TRAPPC9: variants seen among roughly 807,000 people sequenced by gnomAD.
TRAPPC9 encodes the protein IKK2 binding protein.
TRAPPC9 carries 83 observed loss-of-function variants against 124.0 expected under a neutral mutation model. That is an observed-to-expected ratio of 0.67 (90% CI 0.56 to 0.80). The LOEUF (loss-of-function observed/expected upper bound fraction) is 0.80, where lower values mean the gene tolerates loss of function less well. Among genes scored for constraint, TRAPPC9 ranks in the 30% least tolerant of loss-of-function variants. The pLI is 0.00. For synonymous variants in TRAPPC9, 638 were observed against 617.5 expected, an observed-to-expected ratio of 1.03 and a Z score of -0.49; for missense variants, 1,302 against 1,508.3, an observed-to-expected ratio of 0.86 and a Z score of 2.27.
intron 17 of TRAPPC9, among the ~76,000 whole-genome samples, chr8:140,176,813 A>G (rs2062081151): frequency 6.6e-6 from 1 of 152,198 alleles, no homozygotes; most frequent in Non-Finnish European, 1.5e-5. Flanking sequence ...AGCCTCACCA[A>G]TGCTTGCAAT....
At chr8:139,856,278 T>G (rs1586997449) in intron 21 of TRAPPC9, among the ~76,000 whole-genome samples, 1 of 152,162 alleles carries the variant, frequency 6.6e-6, no homozygotes, top group Non-Finnish European at 1.5e-5. Flanking sequence ...AATTTCAGCA[T>G]ACCTCTTCCA....
At chr8:140,074,941 A>G (rs1843415261) in intron 17 of TRAPPC9, among the ~76,000 whole-genome samples, 1 of 152,126 alleles carries the variant, frequency 6.6e-6, no homozygotes, top group African/African-American at 2.4e-5. Context: ...ACCTCAGGAA[A>G]ATTGCTACCC....
chr8:139,759,363 C>A (rs1459095925), intron 21 of TRAPPC9, among the ~76,000 whole-genome samples: 1 of 152,162 alleles, frequency 6.6e-6, no homozygotes, highest in Non-Finnish European at 1.5e-5. Context: ...CCCCTGGAAT[C>A]CTTGCCTCTG....
intron 5 of TRAPPC9, among the ~76,000 whole-genome samples, chr8:140,413,262 G>A (rs1206590339): frequency 3.3e-5 from 5 of 152,114 alleles, no homozygotes; most frequent in Non-Finnish European, 5.9e-5. Context: ...GGTGGCACAT[G>A]CCTGTAATCC....
At chr8:140,074,126 C>T (rs1025813805) in intron 17 of TRAPPC9, among the ~76,000 whole-genome samples, 3 of 152,278 alleles carry the variant, frequency 2.0e-5, no homozygotes, top group African/African-American at 7.2e-5. Flanking sequence ...CCAAAGGCAT[C>T]GTGGGTCAGA....
chr8:140,364,695 G>C (rs182858002), intron 8 of TRAPPC9, among the ~76,000 whole-genome samples: 13 of 152,004 alleles, frequency 8.6e-5, no homozygotes, highest in African/African-American at 3.1e-4. Context: ...TGATTCTCCT[G>C]CCTCAACCTC....
chr8:140,450,795 G>C lies in TRAPPC9; in HGVS notation c.579C>G (p.Asp193Glu). Reference protein sequence around the residue: ...EKKDFVGLDTDSRHYKKRCQG... With the variant: ...EKKDFVGLDTESRHYKKRCQG... ...GGGTCTCTAGGTAAGCTTACCTGCTGTCTGTGTCCAGTCCTACAAAGTCCT... is the reference window on the plus strand; with the variant it reads ...GGGTCTCTAGGTAAGCTTACCTGCTCTCTGTGTCCAGTCCTACAAAGTCCT... The change falls in exon 2 of 23, where the codon GAC becomes GAG. Residue 193 changes from aspartate (D) to glutamate (E), a missense_variant. Coordinates refer to ENST00000438773, the MANE Select transcript of TRAPPC9 (RefSeq NM_001160372.4). 1 of 1,606,106 alleles carries C rather than the reference G, an allele frequency of 6.2e-7. No homozygotes were observed.
chr8:140,089,037 T>A (rs1357046876), intron 17 of TRAPPC9, among the ~76,000 whole-genome samples: 4 of 152,202 alleles, frequency 2.6e-5, no homozygotes, highest in African/African-American at 9.6e-5. Flanking sequence ...CTTGTATTTA[T>A]AAAAATGAAA....
At chr8:140,149,194 C>T (rs192402705) in intron 17 of TRAPPC9, among the ~76,000 whole-genome samples, 83 of 152,214 alleles carry the variant, frequency 5.5e-4, no homozygotes, top group African/African-American at 2.0e-3. Context: ...CTCTGGTCTA[C>T]CTGCAGACAA....
intron 8 of TRAPPC9, among the ~76,000 whole-genome samples, chr8:140,361,189 C>T (rs1035482601): frequency 1.3e-5 from 2 of 152,224 alleles, no homozygotes; most frequent in Non-Finnish European, 2.9e-5. Context: ...ACTGAAAGTC[C>T]GTAATAGCTC....
chr8:139,822,324 G>A (rs1563840132), intron 21 of TRAPPC9, among the ~76,000 whole-genome samples: 1 of 152,174 alleles, frequency 6.6e-6, no homozygotes, highest in Non-Finnish European at 1.5e-5. Context: ...CATATGAGGA[G>A]ATGATCTCCA....
At chr8:139,961,474 C>G (rs1298187776) in intron 19 of TRAPPC9, among the ~76,000 whole-genome samples, 1 of 123,634 alleles carries the variant, frequency 8.1e-6, no homozygotes, top group African/African-American at 2.6e-5. Context: ...GCAAGAGCCC[C>G]ACCCTACTGG....
At chr8:140,247,170 C>G (rs1257048381) in intron 16 of TRAPPC9, among the ~76,000 whole-genome samples, 1 of 152,202 alleles carries the variant, frequency 6.6e-6, no homozygotes, top group Non-Finnish European at 1.5e-5. Flanking sequence ...GACAACGTCT[C>G]TCTAGTTACT....
intron 21 of TRAPPC9, among the ~76,000 whole-genome samples, chr8:139,823,961 T>A (rs1825447295): frequency 6.6e-6 from 1 of 152,160 alleles, no homozygotes; most frequent in Non-Finnish European, 1.5e-5. Context: ...CTGCTGAGAA[T>A]TTGTTAGACA....
intron 9 of TRAPPC9, among the ~76,000 whole-genome samples, chr8:140,329,501 A>G (rs1314900205): frequency 6.6e-6 from 1 of 152,194 alleles, no homozygotes; most frequent in Admixed American, 6.5e-5. Context: ...GCTCACCTGC[A>G]TTGCCTTACT....
Position 139,860,343 on chromosome 8 carries a change from G to A in TRAPPC9, c.3055+25536C>T, listed in dbSNP as rs569756999. ...GGGCTGTTACACGGCTCCAAGGGGT[G>A]GAGGTCGGGAACAACCTCAGGGAGC... On this transcript the variant is annotated intron_variant, in intron 21 of 22. Transcript: ENST00000438773. 2.6e-4 allele frequency among the ~76,000 whole-genome samples: 40 copies of A among 152,318 alleles called. 1 individual carries two copies. The South Asian group carries it at 5.2e-3, about 20-fold the overall frequency.
chr8:140,095,167 A>C lies in TRAPPC9; in HGVS notation c.2557-71088T>G, dbSNP rs1038873672. 4 of 152,348 alleles carry C rather than the reference A, an allele frequency of 2.6e-5. No individual in the cohort carries two copies. The East Asian group carries it at 7.7e-4, about 29-fold the overall frequency. The allele number at this position is 152,348 out of a possible 1,614,324, so 9.4% of individuals were successfully genotyped here. A position where few individuals can be genotyped will look rare whatever the true frequency, so the allele number is the denominator to read the frequency against. On this transcript the variant is annotated intron_variant, in intron 17 of 22. Transcript: ENST00000438773. ...GGACCCCCTGAGACCTGAACATCAG[A>C]TGTCTGGCTGGAGGCTTCAGCAGGT...
chr8:139,739,831 C>T (rs1326230338), intron 21 of TRAPPC9, among the ~76,000 whole-genome samples: 2 of 152,254 alleles, frequency 1.3e-5, no homozygotes, highest in African/African-American at 4.8e-5. Flanking sequence ...GTCTCATTCA[C>T]CGTGGTGTCC....
At chr8:140,258,293 C>T (rs1262518093) in intron 15 of TRAPPC9, among the ~76,000 whole-genome samples, 7 of 152,236 alleles carry the variant, frequency 4.6e-5, no homozygotes, top group African/African-American at 1.7e-4. Flanking sequence ...TTGTTCTCCG[C>T]GTTCACACGC....
Sources: allele counts gnomAD v4.1 joint callset (sites outside exome capture counted in the v4.1 genomes callset), GRCh38; gene constraint gnomAD v4.1.1; transcripts MANE v1.5; gene names NCBI Gene and HGNC (gene_info 2026-07-23, HGNC 2026-07-21).